Variants in EPB41L4A observed in about 807,000 individuals in gnomAD.
EPB41L4A encodes band 4.1-like protein 4A.
A neutral mutation model predicts 108.6 loss-of-function variants in EPB41L4A; 100 were observed. The observed-to-expected ratio is 0.92, with a 90% CI of 0.78 to 1.09. EPB41L4A has a LOEUF of 1.09. Ranked by LOEUF, EPB41L4A falls within the 50% of genes least tolerant of loss-of-function variation. The pLI is 0.00. For synonymous variants in EPB41L4A, 319 were observed against 289.0 expected (o/e 1.10, Z -1.05); for missense variants, 1,030 against 842.7 (o/e 1.22, Z -2.75).
intron 12 of EPB41L4A, among the ~76,000 whole-genome samples, chr5:112,146,465 C>T (rs533412122): frequency 6.6e-5 from 10 of 152,278 alleles, no homozygotes; most frequent in East Asian, 1.9e-4. Flanking sequence ...ACGCTGTTTG[C>T]GCTCCCCAAA....
At chr5:112,218,085 G>A (rs1747778966) in intron 12 of EPB41L4A, among the ~76,000 whole-genome samples, 1 of 152,164 alleles carries the variant, frequency 6.6e-6, no homozygotes, top group South Asian at 2.1e-4. Flanking sequence ...AGGGTGTGGA[G>A]GTACTCACAG....
intron 1 of EPB41L4A, among the ~76,000 whole-genome samples, chr5:112,341,655 T>C (rs184383670): frequency 9.7e-4 from 148 of 152,210 alleles, no homozygotes; most frequent in Middle Eastern, 3.4e-3. Flanking sequence ...CTCACGCCCA[T>C]AATTCTGGCA....
chr5:112,207,134 T>C (rs1383034562), intron 13 of EPB41L4A: 1 of 152,190 alleles, frequency 6.6e-6, no homozygotes, highest in Non-Finnish European at 1.5e-5. Flanking sequence ...AACAAAGTCA[T>C]ACACCTACAA....
chr5:112,353,849 C>T (rs182993008), intron 1 of EPB41L4A, among the ~76,000 whole-genome samples: 1 of 152,224 alleles, frequency 6.6e-6, no homozygotes, highest in East Asian at 1.9e-4. Context: ...ACAGATGGGA[C>T]AAGGCAATCC....
chr5:112,415,118 T>C (rs904313667), intron 1 of EPB41L4A, among the ~76,000 whole-genome samples: 1 of 152,186 alleles, frequency 6.6e-6, no homozygotes, highest in African/African-American at 2.4e-5. Context: ...TGAATGAAAA[T>C]TGTAATTTTT....
At chr5:112,212,493 C>A (rs1031024529) in intron 12 of EPB41L4A, among the ~76,000 whole-genome samples, 2 of 152,112 alleles carry the variant, frequency 1.3e-5, no homozygotes, top group Non-Finnish European at 2.9e-5. Flanking sequence ...CAGGGTTTCA[C>A]CATCTTGGCC....
intron 1 of EPB41L4A, among the ~76,000 whole-genome samples, chr5:112,342,308 G>A (rs58046130): frequency 6.6e-6 from 1 of 152,248 alleles, no homozygotes; most frequent in East Asian, 1.9e-4. Flanking sequence ...TTTTCCCACT[G>A]AATTACAGAA....
rs181130781 is a variant in EPB41L4A at position 112,331,385 on chromosome 5, A to G, written c.100-23895T>C. ...GTGTTGACCATGCTATACCAGACAA[A>G]AGGCCCCAAACTGGAGGTCAAAATT... is the stretch of plus-strand genomic sequence containing the variant. On this transcript the variant is annotated intron_variant, in intron 1 of 22. Coordinates refer to ENST00000261486, the MANE Select transcript of EPB41L4A (RefSeq NM_022140.5). 2.1e-3 allele frequency among the ~76,000 whole-genome samples: 324 copies of G among 152,300 alleles called. 3 individuals are homozygous for G. The highest frequency in any genetic ancestry group is 1.2e-3 in the Non-Finnish European group (85 of 68,020).
intron 15 of EPB41L4A, 118 bp from the exon 16 acceptor site, chr5:112,195,826 C>A: frequency 3.4e-6 from 3 of 871,778 alleles, no homozygotes; most frequent in Non-Finnish European, 3.7e-6. Context: ...CATTCATTTG[C>A]CAAACATTTA....
intron 13 of EPB41L4A, among the ~76,000 whole-genome samples, chr5:112,144,063 G>C (rs1337532665): frequency 6.6e-6 from 1 of 152,144 alleles, no homozygotes; most frequent in Non-Finnish European, 1.5e-5. Flanking sequence ...TTCAGAAACA[G>C]AATTCAGGGC....
intron 13 of EPB41L4A, among the ~76,000 whole-genome samples, chr5:112,207,519 A>T (rs1470565133): frequency 1.3e-5 from 2 of 152,216 alleles, no homozygotes; most frequent in African/African-American, 4.8e-5. Flanking sequence ...TTCACAAACT[A>T]TGTATCTGAC....
At chr5:112,351,090 A>G (rs1758013334) in intron 1 of EPB41L4A, among the ~76,000 whole-genome samples, 1 of 152,348 alleles carries the variant, frequency 6.6e-6, no homozygotes, top group South Asian at 2.1e-4. Context: ...AAAAACAAGA[A>G]CAAACGAAAC....
At chr5:112,400,257 G>A (rs1260447561) in intron 1 of EPB41L4A, among the ~76,000 whole-genome samples, 2 of 151,932 alleles carry the variant, frequency 1.3e-5, no homozygotes, top group Non-Finnish European at 2.9e-5. Flanking sequence ...ACTATCACGA[G>A]AACAGCATGC....
At chr5:112,181,450 CA>C (rs1255397665) in intron 18 of EPB41L4A, among the ~76,000 whole-genome samples, 141 of 141,346 alleles carry the variant, frequency 1.0e-3, no homozygotes, top group African/African-American at 1.3e-3. Flanking sequence ...GACTCTGTCT[CA>C]AAAAAAAAAA....
At chr5:112,143,750 G>C (rs1271542091) in exon 14 of EPB41L4A, 2 of 371,072 alleles carry the variant, frequency 5.4e-6, no homozygotes, top group Non-Finnish European at 1.1e-5. Flanking sequence ...CCCAGACAAG[G>C]GCTCCAATTG....
Position 112,377,178 on chromosome 5 carries a change from C to A in EPB41L4A, c.99+41763G>T, listed in dbSNP as rs185489745. On this transcript the variant is annotated intron_variant, in intron 1 of 22. Coordinates refer to ENST00000261486, the MANE Select transcript of EPB41L4A (RefSeq NM_022140.5). ...CATGATCATGCCACTGTACTTCAGC[C>A]TGGGTGACAGAGCAAGATACTGTTG... Among the ~76,000 whole-genome samples the A allele has an allele frequency of 4.1e-3, 610 of 148,434 alleles. 5 individuals carry two copies. Among genetic ancestry groups the A allele is most frequent in the African/African-American group, 0.014 (552 of 39,654 alleles).
intron 1 of EPB41L4A, among the ~76,000 whole-genome samples, chr5:112,341,135 G>A (rs1372098819): frequency 6.6e-6 from 1 of 151,990 alleles, no homozygotes; most frequent in Non-Finnish European, 1.5e-5. Context: ...CTGTTTAATT[G>A]GTCTCCTTCC....
At chr5:112,309,220 AT>A (rs1375764335) in intron 1 of EPB41L4A, among the ~76,000 whole-genome samples, 2 of 152,212 alleles carry the variant, frequency 1.3e-5, no homozygotes, top group Non-Finnish European at 2.9e-5. Flanking sequence ...TTTATCATCT[AT>A]TAAATGAATC....
At chr5:112,168,973 G>A (rs376136861) in intron 21 of EPB41L4A, 22 bp downstream of exon 21, 16 of 1,568,426 alleles carry the variant, frequency 1.0e-5, no homozygotes, top group Non-Finnish European at 1.4e-5. Flanking sequence ...TGGTGATGGT[G>A]TACTCTGGCC....
Sources: gnomAD v4.1 joint callset for allele counts (sites outside exome capture counted in the v4.1 genomes callset) on GRCh38, gnomAD v4.1.1 for gene constraint, MANE v1.5 for transcripts, NCBI Gene and HGNC (gene_info 2026-07-23, HGNC 2026-07-21) for gene names.